The following SLC4A4 variants were observed in gnomAD, a reference collection of about 807,000 sequenced individuals.
SLC4A4 encodes the protein solute carrier family 4 member 4.
SLC4A4 carries 27 observed loss-of-function variants against 111.5 expected under a neutral mutation model. The observed-to-expected ratio is 0.24, with a 90% confidence interval of 0.18 to 0.33. The LOEUF is 0.33. Among genes scored for constraint, SLC4A4 ranks in the 10% least tolerant of loss-of-function variants. SLC4A4 has a pLI of 1.00. For missense variants in SLC4A4, 909 were observed against 1,315.5 expected (o/e 0.69, Z 4.78); for synonymous variants, 443 against 463.4 (o/e 0.96, Z 0.57).
At chr4:71,080,801 C>A (rs997228057) in intron 1 of SLC4A4, among the ~76,000 whole-genome samples, 2 of 152,018 alleles carry the variant, frequency 1.3e-5, no homozygotes, top group African/African-American at 4.8e-5. Context: ...GCTGTAACCT[C>A]ATCTTTTATA....
At chr4:71,226,910 A>G (rs1719084958) in intron 1 of SLC4A4, among the ~76,000 whole-genome samples, 1 of 152,036 alleles carries the variant, frequency 6.6e-6, no homozygotes, top group Non-Finnish European at 1.5e-5. Flanking sequence ...TTAGTAGACT[A>G]TGTGTAGTGA....
chr4:71,316,133 A>G (rs1726657342), intron 3 of SLC4A4, among the ~76,000 whole-genome samples: 1 of 152,202 alleles, frequency 6.6e-6, no homozygotes, highest in Non-Finnish European at 1.5e-5. Flanking sequence ...AAAAGCATGA[A>G]TCAACATTAT....
At chr4:71,191,789 T>C (rs1745744384) in intron 1 of SLC4A4, among the ~76,000 whole-genome samples, 1 of 152,194 alleles carries the variant, frequency 6.6e-6, no homozygotes, top group African/African-American at 2.4e-5. Flanking sequence ...TTAAGTGAAA[T>C]TAGGATGTTA....
intron 2 of SLC4A4, among the ~76,000 whole-genome samples, chr4:71,103,293 G>A (rs1742814558): frequency 1.3e-5 from 2 of 151,944 alleles, no homozygotes; most frequent in Non-Finnish European, 2.9e-5. Flanking sequence ...GACCTACAAA[G>A]AGACTTAGAC....
chr4:71,304,389 A>C (rs189249293), intron 3 of SLC4A4, among the ~76,000 whole-genome samples: 10 of 152,160 alleles, frequency 6.6e-5, no homozygotes, highest in African/African-American at 2.4e-4. Context: ...GTCTGAGAGC[A>C]GGAGAAGATG....
At chr4:71,442,056 A>G (rs1018276579) in intron 8 of SLC4A4, among the ~76,000 whole-genome samples, 3 of 152,164 alleles carry the variant, frequency 2.0e-5, no homozygotes, top group Non-Finnish European at 2.9e-5. Flanking sequence ...GTCTCTCTAG[A>G]CTAACTTTAC....
intron 3 of SLC4A4, among the ~76,000 whole-genome samples, chr4:71,276,115 A>C (rs1723048988): frequency 6.6e-6 from 1 of 152,246 alleles, no homozygotes; most frequent in Non-Finnish European, 1.5e-5. Flanking sequence ...GCAGCACTAC[A>C]AACTGGCATA....
chr4:71,419,629 G>C (rs1014889172), intron 7 of SLC4A4, among the ~76,000 whole-genome samples: 5 of 152,322 alleles, frequency 3.3e-5, no homozygotes, highest in Admixed American at 6.5e-5. Flanking sequence ...AAGGGAACTC[G>C]CTGACCCCTT....
At chr4:71,467,842 A>G (rs1727517818) in intron 13 of SLC4A4, among the ~76,000 whole-genome samples, 1 of 152,066 alleles carries the variant, frequency 6.6e-6, no homozygotes, top group Non-Finnish European at 1.5e-5. Flanking sequence ...CCTTAGGTAG[A>G]TTGAAGAATG....
intron 3 of SLC4A4, among the ~76,000 whole-genome samples, chr4:71,336,524 G>A (rs774740320): frequency 6.6e-6 from 1 of 152,186 alleles, no homozygotes; most frequent in African/African-American, 2.4e-5. Context: ...CTTATCAGGA[G>A]TAGTTTGAAT....
intron 1 of SLC4A4, among the ~76,000 whole-genome samples, chr4:71,202,005 A>G (rs1314737271): frequency 6.6e-6 from 1 of 152,186 alleles, no homozygotes; most frequent in East Asian, 1.9e-4. Context: ...ACTGCTGTTG[A>G]GTTGGAGACT....
intron 6 of SLC4A4, among the ~76,000 whole-genome samples, chr4:71,371,997 A>G (rs905122099): frequency 6.6e-6 from 1 of 152,236 alleles, no homozygotes; most frequent in Non-Finnish European, 1.5e-5. Context: ...ATATTTCTGC[A>G]TATCCTGGTC....
intron 7 of SLC4A4, among the ~76,000 whole-genome samples, chr4:71,435,005 T>C (rs897093589): frequency 2.6e-5 from 4 of 152,270 alleles, no homozygotes; most frequent in African/African-American, 9.6e-5. Flanking sequence ...CCAAAGTAAT[T>C]TATAGATTCA....
chr4:71,452,759 A>G (rs1048751605), intron 11 of SLC4A4, among the ~76,000 whole-genome samples: 5 of 152,078 alleles, frequency 3.3e-5, no homozygotes, highest in Admixed American at 3.3e-4. Context: ...CTCCCATCAC[A>G]CACCTCCATG....
At chr4:71,370,774 G>T (rs936093391) in intron 6 of SLC4A4, among the ~76,000 whole-genome samples, 2 of 152,118 alleles carry the variant, frequency 1.3e-5, no homozygotes, top group African/African-American at 4.8e-5. Context: ...TTTATTCCAT[G>T]TCAGACATCC....
chr4:71,381,776 GTGTGAT>G (rs1718166562), intron 6 of SLC4A4, among the ~76,000 whole-genome samples: 1 of 152,114 alleles, frequency 6.6e-6, no homozygotes, highest in African/African-American at 2.4e-5. Flanking sequence ...GAGTGAGGTG[GTGTGAT>G]CTTGGCTCAC....
Position 71,486,948 on chromosome 4 carries a change from C to A in SLC4A4, c.1904C>A (p.Ala635Asp). 1 of 1,586,462 alleles carries A rather than the reference C, an allele frequency of 6.3e-7. No homozygotes were observed. Among genetic ancestry groups the A allele is most frequent in the Non-Finnish European group, 8.6e-7 (1 of 1,157,806 alleles). The change falls in exon 15 of 26, where the codon GCT becomes GAT. Residue 635 changes from alanine to aspartate, a missense_variant and splice_region_variant. Physicochemically the swap from Ala to Asp is moderately radical, Grantham distance 126. Transcript: ENST00000264485. Reference protein sequence around the residue: ...FSCTCVPPDPANISISNDTTL... With the variant: ...FSCTCVPPDPDNISISNDTTL... ...TAAAATAATTATCTTTTGCTTACAG[C>A]TAATATCTCAATATCTAATGACACC...
chr4:71,107,976 T>A (rs1382271369), intron 2 of SLC4A4, among the ~76,000 whole-genome samples: 1 of 152,192 alleles, frequency 6.6e-6, no homozygotes, highest in African/African-American at 2.4e-5. Flanking sequence ...CCATGGGTGT[T>A]ACATTTAACA....
intron 3 of SLC4A4, among the ~76,000 whole-genome samples, chr4:71,272,947 T>G (rs1722800640): frequency 6.6e-6 from 1 of 152,242 alleles, no homozygotes; most frequent in Non-Finnish European, 1.5e-5. Context: ...GAATGGTTCT[T>G]TTTGACAGTC....
Sources: allele counts gnomAD v4.1 joint callset (sites outside exome capture counted in the v4.1 genomes callset), GRCh38; gene constraint gnomAD v4.1.1; transcripts MANE v1.5; gene names NCBI Gene and HGNC (gene_info 2026-07-23, HGNC 2026-07-21).